The following SLC17A4 variants were observed in gnomAD, a reference collection of about 807,000 sequenced individuals.
SLC17A4 encodes the protein probable small intestine urate exporter.
In SLC17A4, 33 loss-of-function variants were observed where a neutral mutation model predicts 52.5. The ratio of observed to expected loss-of-function variants is 0.63; its 90% CI spans 0.48 to 0.84. The LOEUF (loss-of-function observed/expected upper bound fraction) is 0.84, where lower values mean the gene tolerates loss of function less well. Among genes scored for constraint, SLC17A4 ranks in the 40% least tolerant of loss-of-function variants. The probability of loss-of-function intolerance (pLI) is 0.00; values close to 1 mark genes in which losing one functional copy is unlikely to be tolerated. For missense variants in SLC17A4, 585 were observed against 597.1 expected, an observed-to-expected ratio of 0.98 and a Z score of 0.21; for synonymous variants, 225 against 216.2, an observed-to-expected ratio of 1.04 and a Z score of -0.36.
At chr6:25,758,699 C>A (rs567271930) in intron 1 of SLC17A4, among the ~76,000 whole-genome samples, 1 of 151,938 alleles carries the variant, frequency 6.6e-6, no homozygotes, top group Non-Finnish European at 1.5e-5. Flanking sequence ...TGGTTAGTGT[C>A]GCTGATGGTC....
At chr6:25,760,355 C>T (rs2151420473) in intron 1 of SLC17A4, among the ~76,000 whole-genome samples, 1 of 152,212 alleles carries the variant, frequency 6.6e-6, no homozygotes. Flanking sequence ...ATTAATTTCT[C>T]CCCTTCTGTA....
chr6:25,773,382 T>A lies in SLC17A4; in HGVS notation c.814T>A (p.Leu272Met), dbSNP rs1185193042. 3.7e-6 allele frequency: 6 copies of A among 1,613,846 alleles called. No individual in the cohort carries two copies. In the East Asian group the frequency reaches 1.1e-4, roughly 30 times the overall value. Residue 272 changes from leucine to methionine, a missense_variant, in exon 7 of 12, where the codon TTG (leucine) becomes ATG (methionine). Leu to Met is a conservative substitution (Grantham distance 15). Transcript: ENST00000377905. ...AGEKRYIVCS[L>M]AQQDCSPGWS... Reference sequence around the variant, plus strand: ...TGAGAAGAGATACATTGTGTGTTCATTGGCTCAGCAGGTACATTGAGGAAC... The same window carrying A: ...TGAGAAGAGATACATTGTGTGTTCAATGGCTCAGCAGGTACATTGAGGAAC...
rs1157084806 is a variant in SLC17A4, at chr6:25,768,285, T to C, written c.92-700T>C. The stretch of plus-strand genomic sequence containing the variant: ...TGCTCCCTTTCAGGAACCAAGAAAA[T>C]GGCATCTTCATACCTTGTGATCATA... On this transcript the variant is annotated intron_variant, in intron 2 of 11. Transcript: ENST00000377905. The C allele has an allele frequency of 5.3e-6, 4 of 758,814 alleles. No individual in the cohort carries two copies. The African/African-American group carries it at 5.7e-5, about 11-fold the overall frequency. The allele number at this position is 758,814 out of a possible 1,614,324, so 47.0% of individuals were successfully genotyped here. A position where few individuals can be genotyped will look rare whatever the true frequency, so the allele number is the denominator to read the frequency against.
At chr6:25,772,707 G>A (rs1213639381) in intron 6 of SLC17A4, among the ~76,000 whole-genome samples, 1 of 152,158 alleles carries the variant, frequency 6.6e-6, no homozygotes, top group Non-Finnish European at 1.5e-5. Flanking sequence ...AGATAGATAT[G>A]GAAAGGTTTA....
chr6:25,771,578 G>A (rs77158198), intron 6 of SLC17A4, among the ~76,000 whole-genome samples: 7 of 148,772 alleles, frequency 4.7e-5, no homozygotes, highest in South Asian at 4.3e-4. Context: ...TGTCTCAAGA[G>A]AAAAAAAAAA....
chr6:25,776,623 T>C lies in SLC17A4; in HGVS notation c.1016T>C (p.Val339Ala). ...DSGILSALPF[V>A]VGCICIILGG... Reference sequence around the variant, plus strand: ...GGGATCCTGTCTGCCTTGCCGTTTGTTGTTGGATGTATCTGCATTATCCTT... The same window carrying C: ...GGGATCCTGTCTGCCTTGCCGTTTGCTGTTGGATGTATCTGCATTATCCTT... The change falls in exon 9 of 12, where the codon GTT becomes GCT. Residue 339 changes from valine to alanine, a missense_variant. Transcript: ENST00000377905. The C allele has an allele frequency of 1.9e-6, 3 of 1,612,620 alleles. No homozygotes were observed. Among genetic ancestry groups the C allele is most frequent in the South Asian group, 1.1e-5 (1 of 90,782 alleles).
At chr6:25,768,427 A>G in intron 2 of SLC17A4, 1 of 983,390 alleles carries the variant, frequency 1.0e-6, no homozygotes, top group Non-Finnish European at 1.2e-6. Flanking sequence ...GAACACTAGC[A>G]AATTTTGTGT....
intron 1 of SLC17A4, among the ~76,000 whole-genome samples, chr6:25,757,542 C>T (rs1274193997): frequency 6.6e-6 from 1 of 152,112 alleles, no homozygotes; most frequent in Non-Finnish European, 1.5e-5. Flanking sequence ...AGTATACCTT[C>T]TTTCCCCTGC....
chr6:25,773,734 A>C, intron 8 of SLC17A4, 60 bp downstream of exon 8: 61 of 1,554,678 alleles, frequency 3.9e-5, no homozygotes, highest in Non-Finnish European at 5.0e-5. Flanking sequence ...ATGAGAGCTC[A>C]TATATAATCC....
At chr6:25,766,370 T>A (rs1436400619) in intron 2 of SLC17A4, among the ~76,000 whole-genome samples, 1 of 152,202 alleles carries the variant, frequency 6.6e-6, no homozygotes, top group Middle Eastern at 3.2e-3. Context: ...CTATTTATCC[T>A]GTGCAGAAGA....
chr6:25,770,311 G>A lies in SLC17A4; in HGVS notation c.531+11G>A. Reference sequence around the variant, plus strand: ...CAAGGCATAGCCCAGGTACCAAGATGTTTTCCAGGTATAAGTGGAATATAG... The same window carrying A: ...CAAGGCATAGCCCAGGTACCAAGATATTTTCCAGGTATAAGTGGAATATAG... On this transcript the variant is annotated intron_variant, in intron 4 of 11. Transcript: ENST00000377905. The A allele has an allele frequency of 6.2e-7, 1 of 1,613,788 alleles. No individual in the cohort carries two copies.
At chr6:25,758,273 T>G (rs1175376710) in intron 1 of SLC17A4, among the ~76,000 whole-genome samples, 1 of 152,234 alleles carries the variant, frequency 6.6e-6, no homozygotes, top group Admixed American at 6.5e-5. Flanking sequence ...CCTCCTTTCT[T>G]TCCTGGAGTG....
intron 2 of SLC17A4, among the ~76,000 whole-genome samples, chr6:25,768,090 A>G (rs577444176): frequency 2.0e-5 from 3 of 152,316 alleles, no homozygotes; most frequent in Non-Finnish European, 2.9e-5. Flanking sequence ...TTAATCTGTC[A>G]TATCAATATG....
chr6:25,769,119 G>C lies in SLC17A4; in HGVS notation c.226G>C (p.Ala76Pro), dbSNP rs747491290. ...CACAGCCCCACCTAGCCAGCCCAAT[G>C]CTTCCACAGAACGGCCCTCCACTGA... ...NNTAPPSQPN[A>P]STERPSTDSQ... The change falls in exon 3 of 12, where the codon GCT (alanine) becomes CCT (proline). Residue 76 changes from alanine (A) to proline (P), a missense_variant. Physicochemically the swap from Ala to Pro is conservative, Grantham distance 27 (BLOSUM62 -1). Coordinates refer to ENST00000377905, the MANE Select transcript of SLC17A4 (RefSeq NM_005495.3). 6.2e-7 allele frequency: 1 copy of C among 1,614,032 alleles called. No individual in the cohort carries two copies. The highest frequency in any genetic ancestry group is 8.5e-7 in the Non-Finnish European group (1 of 1,179,970).
rs1455310807 is a variant in SLC17A4, at chr6:25,780,364, G to C, written c.*1176G>C. The C allele has an allele frequency of 3.9e-5, 6 of 152,166 alleles. No individual in the cohort carries two copies. Among genetic ancestry groups the C allele is most frequent in the African/African-American group, 1.4e-4 (6 of 41,440 alleles). The allele number at this position is 152,166 out of a possible 1,614,324, so 9.4% of individuals were successfully genotyped here. On this transcript the variant is annotated 3_prime_UTR_variant, in exon 12 of 12. Transcript: ENST00000377905. ...TAATGAGTGGTTACATGGGTTATGA[G>C]AGTGGATGATAAGTGCACTAATCTG...
At chr6:25,770,587 T>G in intron 5 of SLC17A4, 116 bp downstream of exon 5, 1 of 928,148 alleles carries the variant, frequency 1.1e-6, no homozygotes, top group Non-Finnish European at 1.8e-6. Context: ...GTCCTTTCCT[T>G]AAAGCACTAC....
intron 2 of SLC17A4, among the ~76,000 whole-genome samples, chr6:25,765,539 G>C (rs951072657): frequency 1.3e-5 from 2 of 152,124 alleles, no homozygotes; most frequent in Non-Finnish European, 2.9e-5. Context: ...ATTTCTTAAA[G>C]TTCTCAATAA....
At chr6:25,770,623 C>A in intron 5 of SLC17A4, 152 bp downstream of exon 5, 1 of 700,618 alleles carries the variant, frequency 1.4e-6, no homozygotes, top group Non-Finnish European at 2.5e-6. Context: ...TTGATTGTAA[C>A]TGAATAAACT....
chr6:25,757,882 G>C (rs1266850889), intron 1 of SLC17A4, among the ~76,000 whole-genome samples: 2 of 152,216 alleles, frequency 1.3e-5, no homozygotes, highest in Non-Finnish European at 2.9e-5. Flanking sequence ...TCCTTTCTCA[G>C]GTGTTGGGCA....
Sources: gnomAD v4.1 joint callset for allele counts (sites outside exome capture counted in the v4.1 genomes callset) on GRCh38, gnomAD v4.1.1 for gene constraint, MANE v1.5 for transcripts, NCBI Gene and HGNC (gene_info 2026-07-23, HGNC 2026-07-21) for gene names.